The following NPFFR2 variants were observed in gnomAD, a reference collection of about 807,000 sequenced individuals.
NPFFR2 encodes neuropeptide FF receptor 2.
NPFFR2 carries 15 observed loss-of-function variants against 13.1 expected under a neutral mutation model. That is an observed-to-expected ratio of 1.15 (90% CI 0.77 to 1.76). NPFFR2 has a LOEUF of 1.76. Ranked by LOEUF, NPFFR2 falls within the 40% of genes most tolerant of loss-of-function variation. The pLI, the probability that NPFFR2 is intolerant of heterozygous loss-of-function variation, is 0.00. For missense variants in NPFFR2, 572 were observed against 503.5 expected, an observed-to-expected ratio of 1.14 and a Z score of -1.30; for synonymous variants, 190 against 175.7, an observed-to-expected ratio of 1.08 and a Z score of -0.65.
At chr4:72,040,662 G>A (rs1033556875) in intron 1 of NPFFR2, among the ~76,000 whole-genome samples, 1 of 151,892 alleles carries the variant, frequency 6.6e-6, no homozygotes, top group Non-Finnish European at 1.5e-5. Context: ...AACAAATCCT[G>A]TCACTGCTTT....
At chr4:72,047,821 G>A (rs1282734897) in intron 1 of NPFFR2, among the ~76,000 whole-genome samples, 4 of 152,108 alleles carry the variant, frequency 2.6e-5, no homozygotes, top group Admixed American at 1.3e-4. Flanking sequence ...TGAATTTGGA[G>A]CTATTTAGAG....
chr4:72,038,901 C>CTTTTTTTTTTTTTTTTTTTTTT (rs34623356), intron 1 of NPFFR2, among the ~76,000 whole-genome samples: 1 of 86,918 alleles, frequency 1.2e-5, no homozygotes, highest in Non-Finnish European at 2.2e-5. Flanking sequence ...TTTAAATTTC[C>CTTTTTTTTTTTTTTTTTTTTTT]TTTCTTTTTT....
At chr4:72,111,448 AC>A (rs1721563976) in intron 1 of NPFFR2, among the ~76,000 whole-genome samples, 1 of 152,014 alleles carries the variant, frequency 6.6e-6, no homozygotes, top group African/African-American at 2.4e-5. Context: ...CACATCAGGT[AC>A]AGTTGAAGCA....
chr4:72,043,272 G>T (rs1719281020), intron 1 of NPFFR2, among the ~76,000 whole-genome samples: 1 of 28,654 alleles, frequency 3.5e-5, no homozygotes, highest in Non-Finnish European at 4.3e-4. Flanking sequence ...CGCTTGTGGA[G>T]AACCTGCTAG....
chr4:72,033,008 T>C (rs1194758722), intron 1 of NPFFR2, among the ~76,000 whole-genome samples: 2 of 152,246 alleles, frequency 1.3e-5, no homozygotes, highest in African/African-American at 4.8e-5. Flanking sequence ...GGTTTCCTTT[T>C]TTTAATCCAA....
chr4:72,148,070 C>T lies in NPFFR2; in HGVS notation c.*258C>T, dbSNP rs980277162. Reference sequence around the variant, plus strand: ...ATTTCTAGAGAACAGTTTACAAAGCCTCATCTTTCCAAACTTAACCATTTG... The same window carrying T: ...ATTTCTAGAGAACAGTTTACAAAGCTTCATCTTTCCAAACTTAACCATTTG... On this transcript the variant is annotated 3_prime_UTR_variant, in exon 4 of 4. Coordinates refer to ENST00000308744, the MANE Select transcript of NPFFR2 (RefSeq NM_004885.3). 2 of 346,872 alleles carry T rather than the reference C, an allele frequency of 5.8e-6. No homozygotes were observed. Among genetic ancestry groups the T allele is most frequent in the African/African-American group, 4.2e-5 (2 of 47,158 alleles). 21.5% of individuals were successfully genotyped at this position (346,872 alleles called of 1,614,324 possible). A position where few individuals can be genotyped will look rare whatever the true frequency, so the allele number is the denominator to read the frequency against.
At chr4:72,142,713 G>A (rs773384978) in intron 3 of NPFFR2, among the ~76,000 whole-genome samples, 2 of 152,070 alleles carry the variant, frequency 1.3e-5, no homozygotes, top group Admixed American at 6.5e-5. Context: ...CAATATAGAC[G>A]TTTCTAACAG....
chr4:72,042,903 T>A (rs1408279202), intron 1 of NPFFR2, among the ~76,000 whole-genome samples: 2 of 152,214 alleles, frequency 1.3e-5, no homozygotes, highest in Admixed American at 1.3e-4. Flanking sequence ...CAGAATTTAA[T>A]CACCAAAACA....
chr4:72,045,342 C>T (rs1304864757), intron 1 of NPFFR2, among the ~76,000 whole-genome samples: 1 of 152,090 alleles, frequency 6.6e-6, no homozygotes, highest in Non-Finnish European at 1.5e-5. Context: ...ATTCCCACAC[C>T]AGGGAGTATT....
intron 1 of NPFFR2, among the ~76,000 whole-genome samples, chr4:72,102,629 GT>G (rs1170646422): frequency 1.4e-5 from 2 of 147,564 alleles, no homozygotes; most frequent in East Asian, 4.0e-4. Flanking sequence ...TGCGGTGTTT[GT>G]TTTTTTGTCC....
Position 72,042,572 on chromosome 4 carries a change from G to A in NPFFR2, c.-8+10372G>A, listed in dbSNP as rs568847419. 9.9e-5 allele frequency among the ~76,000 whole-genome samples: 15 copies of A among 152,242 alleles called. No homozygotes were observed. The South Asian group carries it at 2.1e-3, about 21-fold the overall frequency. On this transcript the variant is annotated intron_variant, in intron 1 of 3. Coordinates refer to ENST00000308744, the MANE Select transcript of NPFFR2 (RefSeq NM_004885.3). ...TTGACCAAAATGCTGATAGTGATAT[G>A]GACAATAATGTCCAGGCTGAGGTAA...
intron 1 of NPFFR2, among the ~76,000 whole-genome samples, chr4:72,091,833 A>G (rs1414101622): frequency 1.3e-5 from 2 of 151,342 alleles, no homozygotes; most frequent in East Asian, 3.9e-4. Flanking sequence ...TTTCTATTTC[A>G]TTTAGTTTTG....
intron 1 of NPFFR2, among the ~76,000 whole-genome samples, chr4:72,126,384 C>T (rs1458237858): frequency 2.0e-5 from 3 of 152,200 alleles, no homozygotes; most frequent in African/African-American, 7.2e-5. Flanking sequence ...TATAAGCCCA[C>T]TGTCAAATTC....
At chr4:72,041,875 G>A (rs889592995) in intron 1 of NPFFR2, among the ~76,000 whole-genome samples, 2 of 152,052 alleles carry the variant, frequency 1.3e-5, no homozygotes, top group African/African-American at 4.8e-5. Flanking sequence ...CTTATAGATT[G>A]TGGATATTAG....
At chr4:72,139,435 G>A (rs4694465) in intron 3 of NPFFR2, among the ~76,000 whole-genome samples, 75,547 of 151,950 alleles carry the variant, frequency 0.5, 21,691 homozygotes, top group African/African-American at 0.78. Context: ...TAATTTTTGT[G>A]TGAGGTATAA....
intron 1 of NPFFR2, among the ~76,000 whole-genome samples, chr4:72,071,048 AT>A (rs371653569): frequency 2.0e-5 from 3 of 152,284 alleles, no homozygotes; most frequent in East Asian, 1.9e-4. Flanking sequence ...TTAGCAAATT[AT>A]CAAAAGCAAA....
In NPFFR2 at chr4:72,128,852, G is replaced by T. The variant is rs1578474748; in HGVS notation, c.261G>T (p.Leu87=). ...TCACTAATCTCTTCATCTTAAACCT[G>T]GCCATAAGTGATTTACTAGTTGGCA... ...HTVTNLFILN[L]AISDLLVGIF... is the part of the protein sequence containing the mutation. The change falls in exon 2 of 4, where the codon CTG becomes CTT. Residue 87 remains leucine (L), a synonymous_variant. Coordinates refer to ENST00000308744, the MANE Select transcript of NPFFR2 (RefSeq NM_004885.3). 1.1e-5 allele frequency: 17 copies of T among 1,613,898 alleles called. No homozygotes were observed. The East Asian group carries it at 3.8e-4, about 36-fold the overall frequency.
At position 72,032,061 on chromosome 4, in the gene NPFFR2, T is replaced by TCCGCGGGGGA. The variant is rs781390560; in HGVS notation, c.-145_-136dup. 3.1e-6 allele frequency: 5 copies of TCCGCGGGGGA among 1,613,866 alleles called. No individual in the cohort carries two copies. The African/African-American group carries it at 6.7e-5, about 22-fold the overall frequency. ...CGGAAGCCTGGAGTGGAGCAGGCAGTCCGCGGGGGACAGACGTCGGCTGGG... is the reference window on the plus strand; with the variant it reads ...CGGAAGCCTGGAGTGGAGCAGGCAGTCCGCGGGGGACCGCGGGGGACAGACGTCGGCTGGG... On this transcript the variant is annotated 5_prime_UTR_variant, in exon 1 of 4. Transcript: ENST00000308744.
At chr4:72,136,728 C>T (rs1469296625) in intron 2 of NPFFR2, among the ~76,000 whole-genome samples, 1 of 152,156 alleles carries the variant, frequency 6.6e-6, no homozygotes, top group African/African-American at 2.4e-5. Context: ...GCACTCATTA[C>T]CCCCGCACCT....
Sources: allele counts gnomAD v4.1 joint callset (sites outside exome capture counted in the v4.1 genomes callset), GRCh38; gene constraint gnomAD v4.1.1; transcripts MANE v1.5; gene names NCBI Gene and HGNC (gene_info 2026-07-23, HGNC 2026-07-21).